SCAND1: variants seen among roughly 807,000 people sequenced by gnomAD.
The protein encoded by SCAND1 is SCAN domain containing 1, also known as SCAN domain-containing protein 1.
In SCAND1, 3 loss-of-function variants were observed where a neutral mutation model predicts 3.4. The observed-to-expected ratio is 0.87, with a 90% confidence interval of 0.40 to 2.25. The LOEUF is 2.25. Ranked by LOEUF, SCAND1 falls within the 30% of genes most tolerant of loss-of-function variation. SCAND1 has a pLI of 0.05. For missense variants in SCAND1, 303 were observed against 258.8 expected (o/e 1.17, Z -1.17); for synonymous variants, 152 against 120.5 (o/e 1.26, Z -1.72).
upstream of SCAND1, chr20:35,954,527 G>C (rs1049569361): frequency 1.3e-6 from 2 of 1,522,330 alleles, no homozygotes; most frequent in Non-Finnish European, 1.8e-6. Flanking sequence ...GCGAGCACCC[G>C]GAAGCCGCTT....
At chr20:35,956,562 A>G (rs1934378766), upstream of SCAND1, among the ~76,000 whole-genome samples, 1 of 151,916 alleles carries the variant, frequency 6.6e-6, no homozygotes, top group African/African-American at 2.4e-5. Context: ...TAGAGTTGAT[A>G]TTTTTCTCTC....
rs200514568 is a variant in SCAND1, at chr20:35,953,998, C to T, written c.287G>A (p.Gly96Asp). The T allele has an allele frequency of 8.4e-4, 1,307 of 1,549,832 alleles. 1 individual carries two copies. Among genetic ancestry groups the T allele is most frequent in the Non-Finnish European group, 1.1e-3 (1,223 of 1,147,344 alleles). Residue 96 changes from glycine (G) to aspartate (D), a missense_variant, in exon 2 of 2, where the codon GGC (glycine) becomes GAC (aspartate). Transcript: ENST00000305978. ...QAEAEARSTPGPAGSRLGPET... is the reference protein window; with the variant it reads ...QAEAEARSTPDPAGSRLGPET... ...GGGACCGAGTCTAGAGCCGGCGGGGCCTGGTGTGGAGCGCGCTTCAGCTTC... is the reference window on the plus strand; with the variant it reads ...GGGACCGAGTCTAGAGCCGGCGGGGTCTGGTGTGGAGCGCGCTTCAGCTTC...
Position 35,954,038 on chromosome 20 carries a change from C to G in SCAND1, c.247G>C (p.Val83Leu). 3 of 1,542,330 alleles carry G rather than the reference C, an allele frequency of 1.9e-6. No individual in the cohort carries two copies. Among genetic ancestry groups the G allele is most frequent in the Non-Finnish European group, 2.6e-6 (3 of 1,142,830 alleles). Residue 83 changes from valine to leucine, a missense_variant, in exon 2 of 2, where the codon GTA becomes CTA. Val to Leu is a conservative substitution (Grantham distance 32). Coordinates refer to ENST00000305978, the MANE Select transcript of SCAND1 (RefSeq NM_033630.3). Reference sequence around the variant, plus strand: ...GCTTCAGCTTCGGCCTGAGGCGCTACGCTCACGGGTGCGGGCCCGAGAGGC... The same window carrying G: ...GCTTCAGCTTCGGCCTGAGGCGCTAGGCTCACGGGTGCGGGCCCGAGAGGC... ...ELPLGPAPVS[V>L]APQAEAEARS...
chr20:35,955,943 A>T (rs2056252326), upstream of SCAND1, among the ~76,000 whole-genome samples: 2 of 151,120 alleles, frequency 1.3e-5, no homozygotes, highest in African/African-American at 4.9e-5. Flanking sequence ...CTGGTCTCGA[A>T]CTCTTGACCT....
chr20:35,954,385 C>T, intron 1 of SCAND1, 46 bp from the exon 2 acceptor site: 1 of 1,569,154 alleles, frequency 6.4e-7, no homozygotes, highest in Non-Finnish European at 8.6e-7. Flanking sequence ...GGTTAAAGGG[C>T]AGAGCTCGCG....
At chr20:35,954,535 C>T (rs1264611630), upstream of SCAND1, 11 of 1,514,438 alleles carry the variant, frequency 7.3e-6, no homozygotes, top group Non-Finnish European at 9.8e-6. Context: ...CCGGAAGCCG[C>T]TTGCGGGCTC....
At chr20:35,954,361 A>G (rs751396367) in intron 1 of SCAND1, 22 bp from the exon 2 acceptor site, 91 of 1,597,938 alleles carry the variant, frequency 5.7e-5, no homozygotes, top group Non-Finnish European at 7.6e-5. Context: ...TGGGGTGAGC[A>G]GGGAGACGTT....
Position 35,953,972 on chromosome 20 carries a change from C to T in SCAND1, c.313G>A (p.Glu105Lys). 1 of 1,561,922 alleles carries T rather than the reference C, an allele frequency of 6.4e-7. No individual in the cohort carries two copies. Among genetic ancestry groups the T allele is most frequent in the Non-Finnish European group, 8.7e-7 (1 of 1,154,118 alleles). The change falls in exon 2 of 2, where the codon GAG becomes AAG. Residue 105 changes from glutamate (E) to lysine (K), a missense_variant. Coordinates refer to ENST00000305978, the MANE Select transcript of SCAND1 (RefSeq NM_033630.3). ...PGPAGSRLGP[E>K]TFRQRFRQFR... Reference sequence around the variant, plus strand: ...TGCCGGAAACGCTGGCGGAACGTCTCGGGACCGAGTCTAGAGCCGGCGGGG... The same window carrying T: ...TGCCGGAAACGCTGGCGGAACGTCTTGGGACCGAGTCTAGAGCCGGCGGGG...
At position 35,953,779 on chromosome 20, in the gene SCAND1, A is replaced by G. The variant is rs749797300; in HGVS notation, c.506T>C (p.Ile169Thr). 62 of 1,491,536 alleles carry G rather than the reference A, an allele frequency of 4.2e-5. No homozygotes were observed. Among genetic ancestry groups the G allele is most frequent in the Non-Finnish European group, 4.9e-5 (55 of 1,123,954 alleles). 92.4% of individuals were successfully genotyped at this position (1,491,536 alleles called of 1,614,324 possible). Residue 169 changes from isoleucine to threonine, a missense_variant, in exon 2 of 2, where the codon ATC becomes ACC. By Grantham distance (89) the Ile-to-Thr change is moderately conservative. Coordinates refer to ENST00000305978, the MANE Select transcript of SCAND1 (RefSeq NM_033630.3). ...GATGCGCACATCCGTGCGGCGGCGG[A>G]TCCGCCGGGCCCGAGCCGCCTCGGG... Reference protein sequence around the residue: ...ILPEAARARRIRRRTDVRITG With the variant: ...ILPEAARARRTRRRTDVRITG
chr20:35,957,472 C>G (rs369421212), upstream of SCAND1, among the ~76,000 whole-genome samples: 1 of 152,000 alleles, frequency 6.6e-6, no homozygotes. Flanking sequence ...CCTGTAATCT[C>G]AGCACTTTAG....
upstream of SCAND1, chr20:35,958,736 G>A (rs6058378): frequency 0.26 from 39,526 of 152,046 alleles, 6,163 homozygotes; most frequent in African/African-American, 0.44. Context: ...GATCACCACA[G>A]AGATCCCTCG....
At position 35,953,902 on chromosome 20, in the gene SCAND1, T is replaced by C. The variant is rs756357760; in HGVS notation, c.383A>G (p.Gln128Arg). ...CCACTGGCGGGACAGCTCCCGCAGC[T>C]GCCGGAAAGCCTCCCGGGGACCCGC... ...DAAGPREAFR[Q>R]LRELSRQWLR... is the part of the protein sequence containing the mutation. Residue 128 changes from glutamine (Q) to arginine (R), a missense_variant, in exon 2 of 2, where the codon CAG becomes CGG. Gln to Arg is a conservative substitution (Grantham distance 43). Coordinates refer to ENST00000305978, the MANE Select transcript of SCAND1 (RefSeq NM_033630.3). 44 of 1,556,954 alleles carry C rather than the reference T, an allele frequency of 2.8e-5. No homozygotes were observed. Among genetic ancestry groups the C allele is most frequent in the Non-Finnish European group, 6.1e-6 (7 of 1,153,698 alleles).
chr20:35,957,030 G>A (rs530557223), upstream of SCAND1, among the ~76,000 whole-genome samples: 10 of 152,282 alleles, frequency 6.6e-5, no homozygotes, highest in East Asian at 1.2e-3. Flanking sequence ...ATCTTCTTGT[G>A]AAAGGGAATG....
At chr20:35,956,000 C>T (rs1466034750), upstream of SCAND1, among the ~76,000 whole-genome samples, 3 of 152,140 alleles carry the variant, frequency 2.0e-5, no homozygotes, top group South Asian at 2.1e-4. Context: ...GCATTACAGG[C>T]GTGAGCCACC....
upstream of SCAND1, among the ~76,000 whole-genome samples, chr20:35,958,619 C>T (rs569572302): frequency 1.8e-4 from 27 of 152,186 alleles, no homozygotes; most frequent in Non-Finnish European, 3.1e-4. Context: ...TTCACATTTT[C>T]CCAGTTTTAC....
In SCAND1 at chr20:35,953,962, C is replaced by G; in HGVS notation, c.323G>C (p.Arg108Pro). The G allele has an allele frequency of 6.4e-7, 1 of 1,566,010 alleles. No individual in the cohort carries two copies. The highest frequency in any genetic ancestry group is 8.6e-7 in the Non-Finnish European group (1 of 1,156,266). Residue 108 changes from arginine to proline, a missense_variant, in exon 2 of 2, where the codon CGC becomes CCC. Coordinates refer to ENST00000305978, the MANE Select transcript of SCAND1 (RefSeq NM_033630.3). ...AGSRLGPETF[R>P]QRFRQFRYQD... is the part of the protein sequence containing the mutation. ...GTAGCGGAACTGCCGGAAACGCTGG[C>G]GGAACGTCTCGGGACCGAGTCTAGA...
chr20:35,958,547 T>C (rs1380509469), upstream of SCAND1, among the ~76,000 whole-genome samples: 2 of 152,232 alleles, frequency 1.3e-5, no homozygotes, highest in Non-Finnish European at 2.9e-5. Context: ...GGTAACATCT[T>C]GCATAACTAT....
At chr20:35,958,022 T>A (rs2056273342), upstream of SCAND1, among the ~76,000 whole-genome samples, 2 of 152,224 alleles carry the variant, frequency 1.3e-5, no homozygotes, top group African/African-American at 4.8e-5. Flanking sequence ...CCCAGACTCT[T>A]TCAGAGACCT....
At chr20:35,954,593 T>C, upstream of SCAND1, 1 of 1,407,508 alleles carries the variant, frequency 7.1e-7, no homozygotes, top group Non-Finnish European at 9.5e-7. Context: ...AGGCGGCTGC[T>C]GCCCTCGCGG....
Sources: gnomAD v4.1 joint callset for allele counts (sites outside exome capture counted in the v4.1 genomes callset) on GRCh38, gnomAD v4.1.1 for gene constraint, MANE v1.5 for transcripts, NCBI Gene and HGNC (gene_info 2026-07-23, HGNC 2026-07-21) for gene names.